The following TBX15 variants were observed in gnomAD, a reference collection of about 807,000 sequenced individuals.
The protein encoded by TBX15 is T-box transcription factor 15.
TBX15 carries 18 observed loss-of-function variants against 53.9 expected under a neutral mutation model. The observed-to-expected ratio is 0.33, with a 90% confidence interval of 0.23 to 0.49. The LOEUF (loss-of-function observed/expected upper bound fraction) is 0.49. TBX15 is among the 20% of genes least tolerant of loss of function. The pLI, the probability that TBX15 is intolerant of heterozygous loss-of-function variation, is 0.98. For missense variants in TBX15, 692 were observed against 749.5 expected (o/e 0.92, Z 0.90); for synonymous variants, 295 against 278.0 (o/e 1.06, Z -0.61).
chr1:118,926,982 C>A (rs933476825), intron 2 of TBX15, among the ~76,000 whole-genome samples: 1 of 151,978 alleles, frequency 6.6e-6, no homozygotes, highest in African/African-American at 2.4e-5. Flanking sequence ...CCTCGGCCTC[C>A]CAAAGTACTG....
rs1201483379 is a variant in TBX15, at chr1:118,919,440, GTAA to G, written c.861+3993_861+3995del. Among the ~76,000 whole-genome samples the G allele has an allele frequency of 6.6e-5, 10 of 152,238 alleles. No homozygotes were observed. In the East Asian group the frequency reaches 1.9e-3, roughly 29 times the overall value. ...GTTGGCACATAGAGAGCCAATAATA[GTAA>G]TAATAACTTCAGTATGCTAGCAGCC... On this transcript the variant is annotated intron_variant, in intron 5 of 7. Transcript: ENST00000369429.
intron 1 of TBX15, among the ~76,000 whole-genome samples, chr1:118,948,191 C>T (rs1656403656): frequency 6.6e-6 from 1 of 152,076 alleles, no homozygotes; most frequent in Admixed American, 6.6e-5. Context: ...TGTTAAGAGA[C>T]ATACGTAGCA....
intron 1 of TBX15, among the ~76,000 whole-genome samples, chr1:118,933,156 T>A (rs1401301294): frequency 2.0e-5 from 3 of 152,180 alleles, no homozygotes; most frequent in Non-Finnish European, 2.9e-5. Context: ...CATTGTTCCT[T>A]TACTTTTCTT....
At chr1:118,919,905 A>G (rs186153678) in intron 5 of TBX15, among the ~76,000 whole-genome samples, 6 of 152,336 alleles carry the variant, frequency 3.9e-5, no homozygotes, top group Admixed American at 3.3e-4. Flanking sequence ...AAAGTAGGAA[A>G]GACAAAATAA....
intron 1 of TBX15, among the ~76,000 whole-genome samples, chr1:118,985,220 G>T (rs1657790386): frequency 6.6e-6 from 1 of 152,242 alleles, no homozygotes; most frequent in South Asian, 2.1e-4. Context: ...TGGGCCCTAA[G>T]GACAAAAGAG....
chr1:118,974,007 G>A (rs1388400245), intron 1 of TBX15, among the ~76,000 whole-genome samples: 2 of 152,216 alleles, frequency 1.3e-5, no homozygotes, highest in Non-Finnish European at 1.5e-5. Flanking sequence ...CATGCAACTA[G>A]TGCTCTGAAC....
chr1:118,899,899 G>A (rs1290182021), intron 6 of TBX15, among the ~76,000 whole-genome samples: 1 of 152,020 alleles, frequency 6.6e-6, no homozygotes, highest in Non-Finnish European at 1.5e-5. Flanking sequence ...CATTTGTATT[G>A]GAAATTCCAT....
In TBX15 at chr1:118,885,015, A is replaced by G; in HGVS notation, c.1526T>C (p.Phe509Ser). 1 of 1,614,078 alleles carries G rather than the reference A, an allele frequency of 6.2e-7. No homozygotes were observed. The highest frequency in any genetic ancestry group is 8.5e-7 in the Non-Finnish European group (1 of 1,180,010). Residue 509 changes from phenylalanine (F) to serine (S), a missense_variant, in exon 8 of 8, where the codon TTC becomes TCC. Phe to Ser is a radical substitution (Grantham distance 155). Coordinates refer to ENST00000369429, the MANE Select transcript of TBX15 (RefSeq NM_001330677.2). ...SHMQQSSYNA[F>S]SLHNPYNLYG... Reference sequence around the variant, plus strand: ...CAGGTTGTAAGGGTTGTGAAGGGAGAAGGCATTGTAGGAGCTCTGCTGCAT... The same window carrying G: ...CAGGTTGTAAGGGTTGTGAAGGGAGGAGGCATTGTAGGAGCTCTGCTGCAT...
intron 1 of TBX15, among the ~76,000 whole-genome samples, chr1:118,952,389 G>A (rs917096787): frequency 6.6e-6 from 1 of 151,582 alleles, no homozygotes; most frequent in African/African-American, 2.4e-5. Context: ...ATTTTTCAAG[G>A]GTCAATAATA....
At chr1:118,923,330 G>A (rs1416522422) in intron 5 of TBX15, 106 bp downstream of exon 5, 34 of 1,386,376 alleles carry the variant, frequency 2.5e-5, no homozygotes, top group Non-Finnish European at 2.9e-5. Flanking sequence ...TGGACTAAGG[G>A]TTGTTGTATG....
chr1:118,886,275 A>G (rs1653941988), intron 7 of TBX15, among the ~76,000 whole-genome samples: 1 of 152,210 alleles, frequency 6.6e-6, no homozygotes, highest in Non-Finnish European at 1.5e-5. Context: ...AAGACTGTAA[A>G]TGGAGCCTTT....
intron 7 of TBX15, among the ~76,000 whole-genome samples, chr1:118,889,643 G>A (rs1654070265): frequency 6.6e-6 from 1 of 152,192 alleles, no homozygotes; most frequent in Non-Finnish European, 1.5e-5. Context: ...ATGTCTTACT[G>A]ATTAAGGACA....
intron 1 of TBX15, among the ~76,000 whole-genome samples, chr1:118,982,559 T>C (rs1657683444): frequency 6.6e-6 from 1 of 152,238 alleles, no homozygotes; most frequent in African/African-American, 2.4e-5. Context: ...AAGCACATTA[T>C]ACAGATAAAT....
intron 7 of TBX15, among the ~76,000 whole-genome samples, chr1:118,890,076 G>A (rs577189218): frequency 1.3e-5 from 2 of 152,282 alleles, no homozygotes; most frequent in African/African-American, 2.4e-5. Flanking sequence ...CCACCCTGAT[G>A]AGCATTATGT....
At chr1:118,962,915 C>T (rs1304677582) in intron 1 of TBX15, among the ~76,000 whole-genome samples, 2 of 152,144 alleles carry the variant, frequency 1.3e-5, no homozygotes, top group East Asian at 3.8e-4. Flanking sequence ...TAGTTTATGA[C>T]AACCCCTCAG....
chr1:118,909,005 T>C (rs1482431840), intron 6 of TBX15, among the ~76,000 whole-genome samples: 1 of 152,114 alleles, frequency 6.6e-6, no homozygotes, highest in Non-Finnish European at 1.5e-5. Flanking sequence ...TAATGGAAAG[T>C]AGCAGTTCCA....
chr1:118,975,977 G>C (rs562471757), intron 1 of TBX15, among the ~76,000 whole-genome samples: 2 of 152,334 alleles, frequency 1.3e-5, no homozygotes, highest in South Asian at 2.1e-4. Flanking sequence ...GAAGGAGGCT[G>C]AGGAAAGGAT....
chr1:118,973,681 C>T (rs985535704), intron 1 of TBX15, among the ~76,000 whole-genome samples: 2 of 152,014 alleles, frequency 1.3e-5, no homozygotes, highest in African/African-American at 4.8e-5. Context: ...TGTTAACATC[C>T]GGAACCAATT....
chr1:118,945,491 A>G (rs1656319848), intron 1 of TBX15, among the ~76,000 whole-genome samples: 1 of 152,168 alleles, frequency 6.6e-6, no homozygotes, highest in South Asian at 2.1e-4. Context: ...GATAGGTCAC[A>G]GGAGAAAGAA....
Sources: gnomAD v4.1 joint callset for allele counts (sites outside exome capture counted in the v4.1 genomes callset) on GRCh38, gnomAD v4.1.1 for gene constraint, MANE v1.5 for transcripts, NCBI Gene and HGNC (gene_info 2026-07-23, HGNC 2026-07-21) for gene names.